Variants in COL11A1 observed in about 807,000 individuals in gnomAD.
The protein encoded by COL11A1 is collagen alpha-1(XI) chain.
COL11A1 carries 74 observed loss-of-function variants against 265.2 expected under a neutral mutation model. The ratio of observed to expected loss-of-function variants is 0.28; its 90% CI spans 0.23 to 0.34. COL11A1 has a LOEUF of 0.34. COL11A1 is among the 10% of genes least tolerant of loss of function. COL11A1 has a pLI of 1.00. For synonymous variants in COL11A1, 816 were observed against 727.6 expected, an observed-to-expected ratio of 1.12 and a Z score of -1.96; for missense variants, 2,165 against 2,263.6, an observed-to-expected ratio of 0.96 and a Z score of 0.88.
chr1:103,028,017 T>C (rs1480587592), intron 5 of COL11A1, among the ~76,000 whole-genome samples: 1 of 151,382 alleles, frequency 6.6e-6, no homozygotes, highest in Non-Finnish European at 1.5e-5. Context: ...TTTTTGTTTG[T>C]TTGTTTTTTG....
rs553909505 is a variant in COL11A1 at position 103,098,941 on chromosome 1, T to C, written c.106+9132A>G. ...GAAATCACAATAATATCAGCAGAAA[T>C]TGGTTCAAGATACTTCCATAGACAT... On this transcript the variant is annotated intron_variant, in intron 1 of 66. Transcript: ENST00000370096. Among the ~76,000 whole-genome samples the C allele has an allele frequency of 9.2e-5, 14 of 151,838 alleles. 1 individual carries two copies. In the South Asian group the frequency reaches 2.9e-3, roughly 31 times the overall value.
At chr1:102,988,332 A>G (rs1170484912) in intron 29 of COL11A1, among the ~76,000 whole-genome samples, 3 of 152,068 alleles carry the variant, frequency 2.0e-5, no homozygotes, top group Non-Finnish European at 4.4e-5. Context: ...TCACCAAACT[A>G]TCTTTAAAAA....
rs561435432 is a variant in COL11A1 at position 103,078,720 on chromosome 1, G to A, written c.426C>T (p.His142=). 2.0e-5 allele frequency: 33 copies of A among 1,613,446 alleles called. No homozygotes were observed. The East Asian group carries it at 4.9e-4, about 24-fold the overall frequency. Residue 142 remains histidine, a synonymous_variant, in exon 3 of 67, where the codon CAC becomes CAT. Transcript: ENST00000370096. ...GRSPVFLFED[H]TGKPAPEDYP... Reference sequence around the variant, plus strand: ...AGTCTTCTGGGGCAGGTTTTCCAGTGTGGTCTTCAAACAGAAAAACAGGTG... The same window carrying A: ...AGTCTTCTGGGGCAGGTTTTCCAGTATGGTCTTCAAACAGAAAAACAGGTG...
intron 4 of COL11A1, among the ~76,000 whole-genome samples, chr1:103,052,569 C>T (rs1289565789): frequency 6.6e-6 from 1 of 152,098 alleles, no homozygotes; most frequent in Non-Finnish European, 1.5e-5. Context: ...TTTATTACAA[C>T]TATGTTTCTA....
chr1:102,886,345 T>C (rs997272992), intron 63 of COL11A1, among the ~76,000 whole-genome samples: 8 of 152,208 alleles, frequency 5.3e-5, no homozygotes, highest in African/African-American at 1.9e-4. Context: ...GTTCTTAATA[T>C]TCTGTTCACC....
intron 12 of COL11A1, among the ~76,000 whole-genome samples, chr1:103,014,935 C>T (rs1000834787): frequency 7.2e-5 from 11 of 151,802 alleles, no homozygotes; most frequent in Non-Finnish European, 1.3e-4. Flanking sequence ...TATAAAATTC[C>T]AAATATACCA....
At chr1:103,083,948 A>T (rs2102330712) in intron 1 of COL11A1, among the ~76,000 whole-genome samples, 1 of 152,236 alleles carries the variant, frequency 6.6e-6, no homozygotes, top group South Asian at 2.1e-4. Context: ...TATGTTTGGA[A>T]CCTTAAACTT....
chr1:102,991,141 A>G (rs556844888), intron 28 of COL11A1, among the ~76,000 whole-genome samples: 24 of 152,052 alleles, frequency 1.6e-4, no homozygotes, highest in Non-Finnish European at 1.5e-5. Flanking sequence ...CAAAATAATG[A>G]TAATGATGAT....
chr1:102,946,813 A>G (rs370477048), intron 42 of COL11A1, 36 bp downstream of exon 42: 5 of 1,446,918 alleles, frequency 3.5e-6, no homozygotes, highest in Non-Finnish European at 4.9e-6. Context: ...TGTACAGGGT[A>G]GCAGCATAAT....
chr1:102,915,619 C>G lies in COL11A1; in HGVS notation c.3816+12G>C. The stretch of plus-strand genomic sequence containing the variant: ...CAATAATACACTATGTTAACAATAA[C>G]ACAGTACTTACGCCTACACCTGCTT... On this transcript the variant is annotated intron_variant, in intron 50 of 66. Coordinates refer to ENST00000370096, the MANE Select transcript of COL11A1 (RefSeq NM_001854.4). 6.2e-7 allele frequency: 1 copy of G among 1,610,544 alleles called. No individual in the cohort carries two copies. The highest frequency in any genetic ancestry group is 8.5e-7 in the Non-Finnish European group (1 of 1,176,806).
chr1:102,913,725 T>C, intron 52 of COL11A1, 35 bp from the exon 53 acceptor site: 1 of 1,584,660 alleles, frequency 6.3e-7, no homozygotes, highest in Non-Finnish European at 8.7e-7. Context: ...GCAAGATATA[T>C]CTCAGTATCA....
intron 22 of COL11A1, 40 bp downstream of exon 22, chr1:103,002,707 T>C: frequency 6.4e-7 from 1 of 1,567,062 alleles, no homozygotes. Flanking sequence ...TTAGGGCTTA[T>C]ATTCAAATAT....
intron 66 of COL11A1, among the ~76,000 whole-genome samples, chr1:102,879,076 A>T (rs910374008): frequency 2.0e-5 from 3 of 152,030 alleles, no homozygotes; most frequent in Admixed American, 2.0e-4. Context: ...ACATGAACTT[A>T]CTTATTTACA....
At chr1:102,926,811 T>G (rs752431927) in intron 46 of COL11A1, among the ~76,000 whole-genome samples, 1 of 152,188 alleles carries the variant, frequency 6.6e-6, no homozygotes, top group East Asian at 1.9e-4. Context: ...AATGTACCCA[T>G]TGACAATCTA....
chr1:102,989,448 G>C, intron 29 of COL11A1, 70 bp downstream of exon 29: 1 of 897,330 alleles, frequency 1.1e-6, no homozygotes, highest in Non-Finnish European at 1.6e-6. Context: ...TATATTTAAA[G>C]ATAAGCAAAG....
At chr1:102,959,093 G>A (rs1660643575) in intron 41 of COL11A1, among the ~76,000 whole-genome samples, 1 of 152,074 alleles carries the variant, frequency 6.6e-6, no homozygotes, top group African/African-American at 2.4e-5. Context: ...TTGGTCACTG[G>A]ACTTTTGTGA....
At chr1:102,925,728 T>C (rs1656524954) in intron 46 of COL11A1, among the ~76,000 whole-genome samples, 2 of 152,122 alleles carry the variant, frequency 1.3e-5, no homozygotes, top group Non-Finnish European at 2.9e-5. Context: ...ATTCAAAATC[T>C]GAATTTGATG....
chr1:102,970,786 C>A (rs1661894303), intron 36 of COL11A1, among the ~76,000 whole-genome samples: 1 of 151,854 alleles, frequency 6.6e-6, no homozygotes, highest in Non-Finnish European at 1.5e-5. Context: ...GAGGTCGAGG[C>A]GGGAGGATCA....
chr1:103,093,268 A>G (rs934875093), intron 1 of COL11A1, among the ~76,000 whole-genome samples: 1 of 152,130 alleles, frequency 6.6e-6, no homozygotes, highest in Non-Finnish European at 1.5e-5. Context: ...GGGTGGTTCG[A>G]TAATTTTAGA....
Sources: allele counts gnomAD v4.1 joint callset (sites outside exome capture counted in the v4.1 genomes callset), GRCh38; gene constraint gnomAD v4.1.1; transcripts MANE v1.5; gene names NCBI Gene and HGNC (gene_info 2026-07-23, HGNC 2026-07-21).